Variants in PDE3B observed in about 807,000 individuals in gnomAD.
The protein encoded by PDE3B is phosphodiesterase 3B.
Under a neutral mutation model 116.8 loss-of-function variants are expected in PDE3B, and 66 were observed. The observed-to-expected ratio is 0.56, with a 90% CI of 0.46 to 0.69. The LOEUF (loss-of-function observed/expected upper bound fraction) is 0.69, where lower values mean the gene tolerates loss of function less well. Among genes scored for constraint, PDE3B ranks in the 30% least tolerant of loss-of-function variants. The probability of loss-of-function intolerance (pLI) is 0.00; values close to 1 mark genes in which losing one functional copy is unlikely to be tolerated. For missense variants in PDE3B, 1,384 were observed against 1,368.1 expected, an observed-to-expected ratio of 1.01 and a Z score of -0.18; for synonymous variants, 595 against 533.6, an observed-to-expected ratio of 1.12 and a Z score of -1.59.
intron 4 of PDE3B, among the ~76,000 whole-genome samples, chr11:14,800,352 C>T (rs1389807101): frequency 6.6e-6 from 1 of 152,280 alleles, no homozygotes; most frequent in Non-Finnish European, 1.5e-5. Context: ...GTAATCGCAA[C>T]TACTCAGGAG....
chr11:14,659,323 A>G (rs1355792496), intron 1 of PDE3B, among the ~76,000 whole-genome samples: 1 of 152,180 alleles, frequency 6.6e-6, no homozygotes, highest in Non-Finnish European at 1.5e-5. Context: ...AAATTCCTAG[A>G]TGTTTCAATG....
At chr11:14,851,578 C>T (rs1253405979) in intron 12 of PDE3B, among the ~76,000 whole-genome samples, 1 of 151,508 alleles carries the variant, frequency 6.6e-6, no homozygotes, top group Non-Finnish European at 1.5e-5. Context: ...TCCAATGAGA[C>T]TTTATTAATA....
At chr11:14,746,987 G>A (rs1374296146) in intron 1 of PDE3B, among the ~76,000 whole-genome samples, 4 of 152,190 alleles carry the variant, frequency 2.6e-5, no homozygotes, top group Admixed American at 2.6e-4. Flanking sequence ...TGTACAGGAA[G>A]TGTGGTGCCA....
At chr11:14,793,290 G>A (rs1858447417) in intron 4 of PDE3B, among the ~76,000 whole-genome samples, 2 of 152,180 alleles carry the variant, frequency 1.3e-5, no homozygotes, top group African/African-American at 4.8e-5. Flanking sequence ...TGGAATATTT[G>A]CCTATGCATA....
intron 3 of PDE3B, among the ~76,000 whole-genome samples, chr11:14,787,927 AATC>A (rs754072745): frequency 5.3e-5 from 8 of 151,858 alleles, no homozygotes; most frequent in Non-Finnish European, 1.2e-4. Flanking sequence ...TTTAATCAGA[AATC>A]ATATTGATAT....
rs1161185262 is a variant in PDE3B at position 14,836,906 on chromosome 11, C to T, written c.2320+1811C>T. Among the ~76,000 whole-genome samples the T allele has an allele frequency of 4.6e-5, 7 of 152,288 alleles. No individual in the cohort carries two copies. In the East Asian group the frequency reaches 9.7e-4, roughly 21 times the overall value. On this transcript the variant is annotated intron_variant, in intron 11 of 15. Coordinates refer to ENST00000282096, the MANE Select transcript of PDE3B (RefSeq NM_000922.4). ...CTCACCGCAACCTCCGCCTCCTAGG[C>T]GGGTTCAAGCAATTCTCCTGCCTCA...
At chr11:14,765,385 T>C (rs1392418688) in intron 1 of PDE3B, among the ~76,000 whole-genome samples, 1 of 151,954 alleles carries the variant, frequency 6.6e-6, no homozygotes, top group East Asian at 1.9e-4. Flanking sequence ...GATGTTTCAC[T>C]GTGGTTTTGG....
At chr11:14,754,983 T>A (rs918200197) in intron 1 of PDE3B, among the ~76,000 whole-genome samples, 1 of 152,172 alleles carries the variant, frequency 6.6e-6, no homozygotes, top group African/African-American at 2.4e-5. Flanking sequence ...GGACTGAGAT[T>A]GAAATTTTTC....
At chr11:14,681,676 A>G (rs185723434) in intron 1 of PDE3B, among the ~76,000 whole-genome samples, 1 of 152,340 alleles carries the variant, frequency 6.6e-6, no homozygotes. Flanking sequence ...TGTAAATGGT[A>G]TTTAACAAGA....
At chr11:14,818,431 T>C in intron 6 of PDE3B, 38 bp downstream of exon 6, 4 of 1,403,248 alleles carry the variant, frequency 2.9e-6, no homozygotes, top group Non-Finnish European at 4.0e-6. Context: ...TGTTTCAAAA[T>C]GTTGATTACA....
intron 1 of PDE3B, among the ~76,000 whole-genome samples, chr11:14,764,004 G>A (rs1465479776): frequency 3.3e-5 from 5 of 152,076 alleles, no homozygotes; most frequent in Non-Finnish European, 7.4e-5. Context: ...TTAATGAAGA[G>A]TCTACTTTGA....
chr11:14,878,251 G>C, the PDE3B span: 2 of 1,613,014 alleles, frequency 1.2e-6, no homozygotes, highest in Non-Finnish European at 1.7e-6. Context: ...TAAAAAACAA[G>C]AACATTTCCA....
intron 1 of PDE3B, among the ~76,000 whole-genome samples, chr11:14,664,933 C>T (rs937261049): frequency 6.6e-6 from 1 of 152,152 alleles, no homozygotes; most frequent in Non-Finnish European, 1.5e-5. Context: ...CAGCATCATC[C>T]TGATACCAAA....
At chr11:14,876,453 C>A (rs1185800936), downstream of PDE3B, among the ~76,000 whole-genome samples, 3 of 152,108 alleles carry the variant, frequency 2.0e-5, no homozygotes, top group African/African-American at 4.8e-5. Flanking sequence ...TCATAATTAT[C>A]CCTAGTTTTG....
chr11:14,741,135 A>G (rs1363897189), intron 1 of PDE3B, among the ~76,000 whole-genome samples: 2 of 152,184 alleles, frequency 1.3e-5, no homozygotes, highest in South Asian at 2.1e-4. Flanking sequence ...TCCAGAGCTG[A>G]GTTCAAGTCT....
At chr11:14,885,806 GA>G in the PDE3B span, 1 of 1,613,114 alleles carries the variant, frequency 6.2e-7, no homozygotes, top group Non-Finnish European at 8.5e-7. Flanking sequence ...ATGAATAAAG[GA>G]AGGCATGGTC....
In PDE3B at chr11:14,804,111, C is replaced by T. The variant is rs577575040; in HGVS notation, c.1522+61C>T. On this transcript the variant is annotated intron_variant, in intron 5 of 15. Coordinates refer to ENST00000282096, the MANE Select transcript of PDE3B (RefSeq NM_000922.4). ...TTCTCAAAGTATATGGTAGTGTAAA[C>T]ACTTTTCATCACATATTTATAGCTA... 3 of 814,424 alleles carry T rather than the reference C, an allele frequency of 3.7e-6. No individual in the cohort carries two copies. In the South Asian group the frequency reaches 4.5e-5, roughly 12 times the overall value. The allele number at this position is 814,424 out of a possible 1,614,324, so 50.4% of individuals were successfully genotyped here.
intron 1 of PDE3B, among the ~76,000 whole-genome samples, chr11:14,661,227 T>A (rs1319858221): frequency 2.0e-5 from 3 of 152,250 alleles, no homozygotes; most frequent in African/African-American, 7.2e-5. Flanking sequence ...CACATATGTT[T>A]ATTGTGGCAG....
intron 1 of PDE3B, among the ~76,000 whole-genome samples, chr11:14,746,124 G>A (rs759944998): frequency 2.4e-4 from 37 of 152,252 alleles, no homozygotes; most frequent in Middle Eastern, 3.4e-3. Flanking sequence ...AGGTGCCACC[G>A]CACTCATGCC....
Sources: allele counts gnomAD v4.1 joint callset (sites outside exome capture counted in the v4.1 genomes callset), GRCh38; gene constraint gnomAD v4.1.1; transcripts MANE v1.5; gene names NCBI Gene and HGNC (gene_info 2026-07-23, HGNC 2026-07-21).